SPMIP4: variants seen among roughly 807,000 people sequenced by gnomAD.
The protein encoded by SPMIP4 is sperm-associated microtubule inner protein 4.
chr7:25,151,197 A>G, the SPMIP4 span, among the ~76,000 whole-genome samples: 16 of 151,532 alleles, frequency 1.1e-4, no homozygotes, highest in Admixed American at 1.1e-3. Context: ...TTTTACATTC[A>G]GATAGAAAAT....
chr7:25,135,547 A>C, the SPMIP4 span: 1 of 971,766 alleles, frequency 1.0e-6, no homozygotes. Context: ...ATAAAGGGAC[A>C]GTGTTCTCAT....
the SPMIP4 span, among the ~76,000 whole-genome samples, chr7:25,165,290 G>A: frequency 6.6e-6 from 1 of 151,942 alleles, no homozygotes; most frequent in Non-Finnish European, 1.5e-5. Flanking sequence ...CATTGGTGAT[G>A]GTTAACTTTA....
chr7:25,164,958 C>G, the SPMIP4 span, among the ~76,000 whole-genome samples: 1 of 152,196 alleles, frequency 6.6e-6, no homozygotes. Context: ...GCCATTATTT[C>G]ATTTCTTTTT....
At chr7:25,179,408 G>T in the SPMIP4 span, 3 of 1,347,186 alleles carry the variant, frequency 2.2e-6, no homozygotes, top group Middle Eastern at 2.2e-4. Context: ...CTGCTAAATT[G>T]TTCAACCTGA....
At chr7:25,135,066 G>T in the SPMIP4 span, 1 of 478,044 alleles carries the variant, frequency 2.1e-6, no homozygotes, top group Non-Finnish European at 2.7e-6. Flanking sequence ...AATTCCTCTT[G>T]AACTTCCACG....
the SPMIP4 span, chr7:25,179,443 C>A: frequency 1.2e-6 from 1 of 847,014 alleles, no homozygotes; most frequent in Non-Finnish European, 1.7e-6. Context: ...CACAGGCTTC[C>A]CTCTGCACTG....
chr7:25,179,918 G>T, the SPMIP4 span: 3 of 152,454 alleles, frequency 2.0e-5, no homozygotes, highest in African/African-American at 7.2e-5. Context: ...TCGAGGCCGA[G>T]CCTCACGGGC....
the SPMIP4 span, among the ~76,000 whole-genome samples, chr7:25,160,535 G>A: frequency 6.6e-6 from 1 of 152,268 alleles, no homozygotes; most frequent in African/African-American, 2.4e-5. Flanking sequence ...CTGACCTCAG[G>A]TGATGCACCC....
chr7:25,166,672 A>G, the SPMIP4 span, among the ~76,000 whole-genome samples: 4 of 151,936 alleles, frequency 2.6e-5, no homozygotes, highest in South Asian at 8.3e-4. Flanking sequence ...GGATCACCTG[A>G]GGTCGGGAGT....
chr7:25,158,441 A>T, the SPMIP4 span: 2 of 1,250,132 alleles, frequency 1.6e-6, no homozygotes, highest in Non-Finnish European at 2.3e-6. Flanking sequence ...AGACATAGGA[A>T]ATGTCAATTT....
At chr7:25,140,446 C>T in the SPMIP4 span, among the ~76,000 whole-genome samples, 1 of 152,186 alleles carries the variant, frequency 6.6e-6, no homozygotes, top group East Asian at 1.9e-4. Flanking sequence ...GGACTACAGG[C>T]ATGTGCCACC....
At chr7:25,173,419 C>T in the SPMIP4 span, among the ~76,000 whole-genome samples, 18,458 of 152,222 alleles carry the variant, frequency 0.12, 1,463 homozygotes, top group East Asian at 0.28. The surrounding 1 kb of genome is among the most constrained non-coding windows in gnomAD (Gnocchi z 4.4). Context: ...TATATACATA[C>T]GGTCTATGGC....
At chr7:25,168,064 G>A in the SPMIP4 span, among the ~76,000 whole-genome samples, 2 of 152,208 alleles carry the variant, frequency 1.3e-5, no homozygotes, top group South Asian at 2.1e-4. Flanking sequence ...AACATTAAAT[G>A]AATCAAAATT....
At chr7:25,179,143 T>G in the SPMIP4 span, 3 of 1,575,556 alleles carry the variant, frequency 1.9e-6, no homozygotes, top group Non-Finnish European at 2.6e-6. Flanking sequence ...AAACTGCTTT[T>G]TCTTGTTTGC....
At chr7:25,140,669 G>A in the SPMIP4 span, among the ~76,000 whole-genome samples, 2 of 149,152 alleles carry the variant, frequency 1.3e-5, no homozygotes, top group African/African-American at 2.5e-5. Context: ...TGCAACCTCC[G>A]CCCCATCCCC....
At chr7:25,168,273 C>G in the SPMIP4 span, 1 of 1,586,740 alleles carries the variant, frequency 6.3e-7, no homozygotes, top group Non-Finnish European at 8.5e-7. Context: ...CTGTGAATGG[C>G]AGAAAGTTTA....
the SPMIP4 span, among the ~76,000 whole-genome samples, chr7:25,133,657 G>A: frequency 3.9e-5 from 6 of 152,132 alleles, no homozygotes; most frequent in South Asian, 2.1e-4. Context: ...GTAGAGTAAC[G>A]CTTTTTGTAA....
chr7:25,158,383 A>AAG, the SPMIP4 span: 1 of 756,352 alleles, frequency 1.3e-6, no homozygotes, highest in Non-Finnish European at 2.1e-6. Context: ...AAAAAAAAAA[A>AAG]AAAAAGAAAC....
the SPMIP4 span, among the ~76,000 whole-genome samples, chr7:25,170,308 A>AT: frequency 2.0e-5 from 3 of 152,122 alleles, no homozygotes; most frequent in Non-Finnish European, 2.9e-5. Flanking sequence ...GATGTTGAGC[A>AT]TTTTTTTCCA....
Sources: gnomAD v4.1 joint callset for allele counts (sites outside exome capture counted in the v4.1 genomes callset) on GRCh38, gnomAD v4.1.1 for gene constraint, Gnocchi (gnomAD v3.1) non-coding constraint, MANE v1.5 for transcripts, NCBI Gene and HGNC (gene_info 2026-07-23, HGNC 2026-07-21) for gene names.